NRCAM: variants seen among roughly 807,000 people sequenced by gnomAD.
NRCAM encodes NgCAM-related cell adhesion molecule.
A neutral mutation model predicts 156.5 loss-of-function variants in NRCAM; 83 were observed. The ratio of observed to expected loss-of-function variants is 0.53; its 90% confidence interval spans 0.44 to 0.64. The LOEUF (loss-of-function observed/expected upper bound fraction) is 0.64. Among genes scored for constraint, NRCAM ranks in the 30% least tolerant of loss-of-function variants. The pLI, the probability that NRCAM is intolerant of heterozygous loss-of-function variation, is 0.00. For missense variants in NRCAM, 1,417 were observed against 1,597.3 expected (o/e 0.89, Z 1.92); for synonymous variants, 538 against 563.9 (o/e 0.95, Z 0.65).
chr7:108,166,900 C>T lies in NRCAM; in HGVS notation c.3466+21G>A, dbSNP rs374026083. 23 of 1,611,810 alleles carry T rather than the reference C, an allele frequency of 1.4e-5. No individual in the cohort carries two copies. In the African/African-American group the frequency reaches 2.5e-4, roughly 18 times the overall value. On this transcript the variant is annotated intron_variant, in intron 30 of 32. Coordinates refer to ENST00000379028, the MANE Select transcript of NRCAM (RefSeq NM_001037132.4). ...CTCCACCTCTGAGCGGGAGCCAGAA[C>T]AGGTGTGGTGTGAGCCTCACCTGGG... is the stretch of plus-strand genomic sequence containing the variant.
chr7:108,447,259 C>CTTTTTTTT (rs34273772), intron 1 of NRCAM, among the ~76,000 whole-genome samples: 120 of 84,114 alleles, frequency 1.4e-3, no homozygotes, highest in South Asian at 2.9e-3. Context: ...TCACTTCTTT[C>CTTTTTTTT]TTTTTTTTTT....
chr7:108,325,673 C>CT (rs939169321), intron 2 of NRCAM, among the ~76,000 whole-genome samples: 4 of 151,172 alleles, frequency 2.6e-5, no homozygotes, highest in African/African-American at 7.3e-5. Context: ...ATTGATTCAT[C>CT]TTTTTTTTTA....
At chr7:108,268,191 G>T (rs1029487114) in intron 3 of NRCAM, among the ~76,000 whole-genome samples, 1 of 152,162 alleles carries the variant, frequency 6.6e-6, no homozygotes, top group African/African-American at 2.4e-5. Flanking sequence ...GAATAAAAAG[G>T]AAGTGTATTC....
intron 1 of NRCAM, among the ~76,000 whole-genome samples, chr7:108,408,192 T>C (rs1790842087): frequency 6.6e-6 from 1 of 152,208 alleles, no homozygotes; most frequent in Non-Finnish European, 1.5e-5. Flanking sequence ...CAACCTTTAA[T>C]TGCCTATCGT....
At chr7:108,268,646 G>GGA (rs2097212500) in intron 3 of NRCAM, among the ~76,000 whole-genome samples, 5 of 81,522 alleles carry the variant, frequency 6.1e-5, no homozygotes, top group Non-Finnish European at 1.1e-4. Context: ...TGGGGGGGGC[G>GGA]GCGGTGGCGG....
At chr7:108,443,498 G>A (rs1217925448) in intron 1 of NRCAM, among the ~76,000 whole-genome samples, 3 of 152,170 alleles carry the variant, frequency 2.0e-5, no homozygotes, top group Non-Finnish European at 4.4e-5. Context: ...CCCCACTGAA[G>A]GCTGAAGTTG....
chr7:108,421,080 A>G (rs930717314), intron 1 of NRCAM, among the ~76,000 whole-genome samples: 4 of 152,220 alleles, frequency 2.6e-5, no homozygotes, highest in East Asian at 3.8e-4. Context: ...GCAACTCTAC[A>G]TAGCCAGTTA....
intron 2 of NRCAM, among the ~76,000 whole-genome samples, chr7:108,349,338 G>A (rs1421342199): frequency 4.0e-5 from 6 of 151,354 alleles, no homozygotes; most frequent in East Asian, 1.9e-4. Context: ...GCATGATCCC[G>A]GCTCACTGCA....
In NRCAM at chr7:108,365,846, G is replaced by T. The variant is rs377515213; in HGVS notation, c.-174+33590C>A. 1.1e-4 allele frequency among the ~76,000 whole-genome samples: 16 copies of T among 152,214 alleles called. No homozygotes were observed. The East Asian group carries it at 3.1e-3, about 29-fold the overall frequency. On this transcript the variant is annotated intron_variant, in intron 2 of 32. Coordinates refer to ENST00000379028, the MANE Select transcript of NRCAM (RefSeq NM_001037132.4). ...GGATTTTTTTGGGGCCCCAAATTGT[G>T]CTTTTTATTATTGGATATTTAAGTA...
Position 108,209,614 on chromosome 7 carries a change from A to G in NRCAM, c.891-9T>C, listed in dbSNP as rs572194466. 7 of 1,563,024 alleles carry G rather than the reference A, an allele frequency of 4.5e-6. No homozygotes were observed. The highest frequency in any genetic ancestry group is 4.7e-5 in the East Asian group (2 of 42,332). On this transcript the variant is annotated splice_polypyrimidine_tract_variant and intron_variant, in intron 11 of 32. Coordinates refer to ENST00000379028, the MANE Select transcript of NRCAM (RefSeq NM_001037132.4). ...AAATAATTGGGGTAGGCCTGATAGGATAAATAAATAATGATGTTACAAAAA... is the reference window on the plus strand; with the variant it reads ...AAATAATTGGGGTAGGCCTGATAGGGTAAATAAATAATGATGTTACAAAAA...
intron 30 of NRCAM, among the ~76,000 whole-genome samples, chr7:108,166,536 C>T (rs918501754): frequency 6.6e-6 from 1 of 152,048 alleles, no homozygotes; most frequent in Non-Finnish European, 1.5e-5. Context: ...GCGTGAGCTA[C>T]CGCGCCCGGC....
chr7:108,166,740 G>A (rs1447433019), intron 30 of NRCAM, among the ~76,000 whole-genome samples, 181 bp downstream of exon 30: 3 of 151,994 alleles, frequency 2.0e-5, no homozygotes, highest in Non-Finnish European at 2.9e-5. Context: ...GCTAAATTCC[G>A]TAATTCATTT....
chr7:108,260,681 C>T (rs748918835), intron 3 of NRCAM, among the ~76,000 whole-genome samples: 19 of 152,108 alleles, frequency 1.2e-4, no homozygotes, highest in Non-Finnish European at 1.8e-4. Context: ...GTGATGTCAA[C>T]ATGGGAGTGT....
At chr7:108,337,292 C>G (rs1467094767) in intron 2 of NRCAM, among the ~76,000 whole-genome samples, 1 of 151,896 alleles carries the variant, frequency 6.6e-6, no homozygotes, top group Non-Finnish European at 1.5e-5. Context: ...CACGGCTACC[C>G]TCTTTGGGTC....
rs2064270285 is a variant in NRCAM, at chr7:108,182,877, T to C, written c.2348A>G (p.Lys783Arg). 5 of 1,614,060 alleles carry C rather than the reference T, an allele frequency of 3.1e-6. No individual in the cohort carries two copies. The change falls in exon 23 of 33, where the codon AAA becomes AGA. Residue 783 changes from lysine (K) to arginine (R), a missense_variant. Transcript: ENST00000379028. Reference sequence around the variant, plus strand: ...ACCATCTTTCTGGCGCCAGCTAACTTTGTACTGAAGGCCTGGCCCATTAGA... The same window carrying C: ...ACCATCTTTCTGGCGCCAGCTAACTCTGTACTGAAGGCCTGGCCCATTAGA... The part of the protein sequence containing the change: ...FESNGPGLQY[K>R]VSWRQKDGDD...
intron 1 of NRCAM, among the ~76,000 whole-genome samples, chr7:108,429,844 T>C (rs1822590925): frequency 6.6e-6 from 1 of 152,146 alleles, no homozygotes; most frequent in Admixed American, 6.5e-5. Flanking sequence ...ATGAAAACAC[T>C]ACAGCAAGCT....
chr7:108,280,928 A>G (rs2097838395), intron 3 of NRCAM, among the ~76,000 whole-genome samples: 2 of 152,238 alleles, frequency 1.3e-5, no homozygotes, highest in East Asian at 1.9e-4. Context: ...AAAGTCAGGA[A>G]GGTATTCAAT....
At chr7:108,301,291 G>C (rs1563174073) in intron 3 of NRCAM, among the ~76,000 whole-genome samples, 1 of 152,178 alleles carries the variant, frequency 6.6e-6, no homozygotes, top group Non-Finnish European at 1.5e-5. Context: ...CTGCCAGTCA[G>C]ATTCAGAACA....
intron 5 of NRCAM, among the ~76,000 whole-genome samples, chr7:108,235,415 T>C (rs1250374148): frequency 6.6e-6 from 1 of 152,218 alleles, no homozygotes; most frequent in Non-Finnish European, 1.5e-5. Flanking sequence ...ACTAATGCTC[T>C]TCAAATTGTT....
Sources: gnomAD v4.1 joint callset for allele counts (sites outside exome capture counted in the v4.1 genomes callset) on GRCh38, gnomAD v4.1.1 for gene constraint, MANE v1.5 for transcripts, NCBI Gene and HGNC (gene_info 2026-07-23, HGNC 2026-07-21) for gene names.